Variants in SORBS2 observed in about 807,000 individuals in gnomAD.
SORBS2 encodes the protein sorbin and SH3 domain containing 2, also known as sorbin and SH3 domain-containing protein 2.
Under a neutral mutation model 97.7 loss-of-function variants are expected in SORBS2, and 46 were observed. That is an observed-to-expected ratio of 0.47 (90% confidence interval 0.37 to 0.60). SORBS2 has a LOEUF of 0.60. Among genes scored for constraint, SORBS2 ranks in the 20% least tolerant of loss-of-function variants. The pLI is 0.00. For synonymous variants in SORBS2, 476 were observed against 473.4 expected, an observed-to-expected ratio of 1.01 and a Z score of -0.07; for missense variants, 1,316 against 1,282.3, an observed-to-expected ratio of 1.03 and a Z score of -0.40.
chr4:185,766,166 T>A (rs377374861), intron 2 of SORBS2, among the ~76,000 whole-genome samples: 69 of 152,336 alleles, frequency 4.5e-4, no homozygotes, highest in African/African-American at 1.5e-3. Context: ...TCTGACATCC[T>A]TCTTGAATTT....
chr4:185,905,158 T>C lies in SORBS2; in HGVS notation c.-338+51038A>G, dbSNP rs891699866. On this transcript the variant is annotated intron_variant, in intron 1 of 20. Coordinates refer to the SORBS2 transcript ENST00000284776. ...AACAGTGCCAGCCTACCAGACCATC[T>C]GAAGTAGTCTGTCTTACTCCAGTGG... is the stretch of plus-strand genomic sequence containing the variant. Among the ~76,000 whole-genome samples the C allele has an allele frequency of 6.6e-5, 10 of 151,558 alleles. No homozygotes were observed. The East Asian group carries it at 1.9e-3, about 29-fold the overall frequency.
At chr4:185,774,353 A>T (rs1276497646) in intron 2 of SORBS2, 3 of 152,214 alleles carry the variant, frequency 2.0e-5, no homozygotes, top group Admixed American at 6.5e-5. Context: ...AAGACAGATC[A>T]GTGAGGAAAA....
chr4:185,841,964 C>A (rs1164396125), intron 1 of SORBS2, among the ~76,000 whole-genome samples: 1 of 152,200 alleles, frequency 6.6e-6, no homozygotes, highest in Non-Finnish European at 1.5e-5. Context: ...ATTCAGCATT[C>A]ATGATTTACT....
At chr4:185,933,116 T>G (rs949770178) in intron 1 of SORBS2, 10 of 152,238 alleles carry the variant, frequency 6.6e-5, no homozygotes, top group Admixed American at 5.9e-4. Context: ...TCCACATCAC[T>G]GTGACTCCTA....
chr4:185,598,733 T>C (rs2153375661), intron 12 of SORBS2, among the ~76,000 whole-genome samples: 1 of 152,296 alleles, frequency 6.6e-6, no homozygotes, highest in East Asian at 1.9e-4. Flanking sequence ...TAATACCACG[T>C]TTATGTTTCT....
chr4:185,641,180 T>C (rs761541329), intron 4 of SORBS2, among the ~76,000 whole-genome samples: 4 of 152,182 alleles, frequency 2.6e-5, no homozygotes, highest in Non-Finnish European at 5.9e-5. Context: ...TCTTGCATCA[T>C]ACCTTAGAAT....
chr4:185,698,543 G>A (rs1022408215), intron 2 of SORBS2, among the ~76,000 whole-genome samples: 2 of 152,028 alleles, frequency 1.3e-5, no homozygotes, highest in East Asian at 1.9e-4. Flanking sequence ...AACAACATAG[G>A]AAATCAAGCT....
At chr4:185,814,236 T>C (rs142011127) in intron 1 of SORBS2, among the ~76,000 whole-genome samples, 40 of 152,112 alleles carry the variant, frequency 2.6e-4, no homozygotes, top group African/African-American at 9.6e-4. Context: ...ATTGATTGGT[T>C]GGCAAGGCAT....
chr4:185,620,128 A>C (rs1163216087), exon 8 of SORBS2: 2 of 1,611,194 alleles, frequency 1.2e-6, no homozygotes, highest in Non-Finnish European at 8.5e-7. Flanking sequence ...AAAGTGGATG[A>C]GTAACTTCTA....
At chr4:185,870,669 T>C (rs1469910160) in intron 1 of SORBS2, among the ~76,000 whole-genome samples, 2 of 152,194 alleles carry the variant, frequency 1.3e-5, no homozygotes, top group Non-Finnish European at 2.9e-5. Context: ...CTGCAGTGAG[T>C]GCGCAGGTCG....
Position 185,792,809 on chromosome 4 carries a change from A to G in SORBS2, c.-337-17443T>C, listed in dbSNP as rs140523568. ...GAAATGTAACATTTTCTTTTGGCTG[A>G]TCTGTAGTTCCCACAAATGGGCAGT... On this transcript the variant is annotated intron_variant, in intron 1 of 20. Transcript: ENST00000284776. Among the ~76,000 whole-genome samples, 206 of 152,284 alleles carry G rather than the reference A, an allele frequency of 1.4e-3. 1 individual carries two copies. The highest frequency in any genetic ancestry group is 4.7e-3 in the African/African-American group (195 of 41,554).
At chr4:185,784,934 T>G (rs1331284270) in intron 1 of SORBS2, among the ~76,000 whole-genome samples, 1 of 152,138 alleles carries the variant, frequency 6.6e-6, no homozygotes, top group Non-Finnish European at 1.5e-5. Flanking sequence ...CTAAATATAG[T>G]GAAGTAGTTG....
At chr4:185,683,213 C>T (rs541463225) in intron 2 of SORBS2, among the ~76,000 whole-genome samples, 4 of 143,498 alleles carry the variant, frequency 2.8e-5, no homozygotes, top group Non-Finnish European at 6.0e-5. Context: ...TTTCATATTC[C>T]TAAAGTGTGA....
At chr4:185,686,022 C>T (rs900781820) in intron 2 of SORBS2, among the ~76,000 whole-genome samples, 18 of 152,158 alleles carry the variant, frequency 1.2e-4, no homozygotes, top group African/African-American at 4.3e-4. Flanking sequence ...TCCATTCTTA[C>T]ATTCCTCTGT....
chr4:185,868,159 C>CTTTTTTTTTTT lies in SORBS2; in HGVS notation c.-338+88026_-338+88036dup, dbSNP rs112680775. On this transcript the variant is annotated intron_variant, in intron 1 of 20. Coordinates refer to the SORBS2 transcript ENST00000284776. ...TCTCTTTTCTTTTCTTTTTTTCTTT[C>CTTTTTTTTTTT]TTTTTTTTTTTTTTTGAGGCAGAGT... is the stretch of plus-strand genomic sequence containing the variant. 8.8e-3 allele frequency among the ~76,000 whole-genome samples: 923 copies of CTTTTTTTTTTT among 105,076 alleles called. 65 individuals carry two copies. Among genetic ancestry groups the CTTTTTTTTTTT allele is most frequent in the African/African-American group, 0.034 (858 of 25,488 alleles). 68.9% of individuals were successfully genotyped at this position (105,076 alleles called of 152,430 possible). A position where few individuals can be genotyped will look rare whatever the true frequency, so the allele number is the denominator to read the frequency against.
chr4:185,638,720 T>TG (rs1393947417), intron 4 of SORBS2, among the ~76,000 whole-genome samples, 157 bp downstream of exon 14: 1 of 105,750 alleles, frequency 9.5e-6, no homozygotes, highest in Non-Finnish European at 2.0e-5. Context: ...GACAGGGCAT[T>TG]GGGGGGCTCT....
chr4:185,748,100 T>C (rs1301419666), intron 2 of SORBS2, among the ~76,000 whole-genome samples: 4 of 152,166 alleles, frequency 2.6e-5, no homozygotes, highest in African/African-American at 9.7e-5. Context: ...TTAAGGTACA[T>C]TTTGTAAGTT....
intron 2 of SORBS2, among the ~76,000 whole-genome samples, chr4:185,755,979 C>A (rs2098828304): frequency 1.3e-5 from 2 of 152,106 alleles, no homozygotes; most frequent in Non-Finnish European, 2.9e-5. Context: ...CAAAAGAGGT[C>A]TCAGATTTTT....
At chr4:185,918,519 T>G (rs2099259407) in intron 1 of SORBS2, 1 of 152,176 alleles carries the variant, frequency 6.6e-6, no homozygotes. Flanking sequence ...GGCTTCAAGT[T>G]GAGTTGGCCA....
Sources: gnomAD v4.1 joint callset for allele counts (sites outside exome capture counted in the v4.1 genomes callset) on GRCh38, gnomAD v4.1.1 for gene constraint, MANE v1.5 for transcripts, NCBI Gene and HGNC (gene_info 2026-07-23, HGNC 2026-07-21) for gene names.